The following CSTF3 variants were observed in gnomAD, a reference collection of about 807,000 sequenced individuals.
The protein encoded by CSTF3 is cleavage stimulation factor subunit 3.
CSTF3 carries 29 observed loss-of-function variants against 105.8 expected under a neutral mutation model. That is an observed-to-expected ratio of 0.27 (90% CI 0.20 to 0.37). The LOEUF (loss-of-function observed/expected upper bound fraction) is 0.37, where lower values mean the gene tolerates loss of function less well. Ranked by LOEUF, CSTF3 falls within the 10% of genes least tolerant of loss-of-function variation. The pLI, the probability that CSTF3 is intolerant of heterozygous loss-of-function variation, is 1.00. For missense variants in CSTF3, 357 were observed against 879.3 expected (o/e 0.41, Z 7.51); for synonymous variants, 252 against 281.9 (o/e 0.89, Z 1.06).
At chr11:33,106,554 C>T (rs1012400186) in intron 5 of CSTF3, among the ~76,000 whole-genome samples, 19 of 151,832 alleles carry the variant, frequency 1.3e-4, no homozygotes, top group African/African-American at 4.4e-4. Context: ...CACAGTGAGA[C>T]CTCGTCTCTA....
chr11:33,159,595 CAAAAAAAAAAAAAAA>C (rs71034656), intron 1 of CSTF3, among the ~76,000 whole-genome samples: 1 of 37,958 alleles, frequency 2.6e-5, no homozygotes, highest in African/African-American at 1.1e-4. Context: ...GGCTCCATCT[CAAAAAAAAAAAAAAA>C]AAAAAAAAAA....
At chr11:33,154,066 T>C (rs1849823910) in intron 1 of CSTF3, among the ~76,000 whole-genome samples, 1 of 152,202 alleles carries the variant, frequency 6.6e-6, no homozygotes, top group African/African-American at 2.4e-5. Flanking sequence ...CATCCACTTA[T>C]TTATCAAGAA....
At position 33,098,744 on chromosome 11, in the gene CSTF3, C is replaced by A. The variant is rs1284968775; in HGVS notation, c.1074G>T (p.Lys358Asn). The A allele has an allele frequency of 6.5e-7, 1 of 1,543,100 alleles. No homozygotes were observed. The highest frequency in any genetic ancestry group is 1.3e-5 in the South Asian group (1 of 78,278). Residue 358 changes from lysine (K) to asparagine (N), a missense_variant, in exon 13 of 21, where the codon AAG (lysine) becomes AAT (asparagine). Transcript: ENST00000323959. ...DYEESRMKYE[K>N]VHSIYNRLLA... The stretch of plus-strand genomic sequence containing the variant: ...GAAGTCTGTTATATATACTGTGAAC[C>A]TTTTCATACTTCATGCGACTCTAAG...
At chr11:33,139,793 A>G (rs1237072389) in intron 3 of CSTF3, among the ~76,000 whole-genome samples, 3 of 151,982 alleles carry the variant, frequency 2.0e-5, no homozygotes, top group African/African-American at 7.2e-5. Context: ...TACCAACTAA[A>G]TAAATCAGGC....
intron 3 of CSTF3, among the ~76,000 whole-genome samples, chr11:33,138,660 T>C (rs1855679092): frequency 6.6e-6 from 1 of 151,868 alleles, no homozygotes; most frequent in East Asian, 1.9e-4. Context: ...CATAGTGATA[T>C]TTAAACTTTA....
At chr11:33,130,120 G>A (rs1018996715) in intron 3 of CSTF3, among the ~76,000 whole-genome samples, 6 of 152,158 alleles carry the variant, frequency 3.9e-5, no homozygotes, top group African/African-American at 1.4e-4. Context: ...GCTAGATATT[G>A]TGCCCCTCTT....
At chr11:33,152,516 G>A (rs1217668262) in intron 1 of CSTF3, among the ~76,000 whole-genome samples, 1 of 152,132 alleles carries the variant, frequency 6.6e-6, no homozygotes, top group Non-Finnish European at 1.5e-5. Context: ...TATTCTGTGG[G>A]ATGCCTTGCC....
intron 3 of CSTF3, among the ~76,000 whole-genome samples, chr11:33,111,460 T>C (rs1365528944): frequency 2.6e-5 from 4 of 152,022 alleles, no homozygotes; most frequent in African/African-American, 7.2e-5. Context: ...ATTTATATAA[T>C]CTATCTTTAT....
At chr11:33,112,551 C>G (rs1855390291) in intron 3 of CSTF3, among the ~76,000 whole-genome samples, 1 of 151,988 alleles carries the variant, frequency 6.6e-6, no homozygotes, top group African/African-American at 2.4e-5. Context: ...ACCAAGTAGC[C>G]AGAAAGAGCA....
At chr11:33,116,607 G>A (rs1000034650) in intron 3 of CSTF3, among the ~76,000 whole-genome samples, 1 of 152,154 alleles carries the variant, frequency 6.6e-6, no homozygotes, top group Non-Finnish European at 1.5e-5. Flanking sequence ...TTATGGTGAA[G>A]GTCCATTACA....
rs1391533502 is a variant in CSTF3, at chr11:33,103,181, T to C, written c.589A>G (p.Ile197Val). ...ATTTTTTTAGCTAAATGAATATTGA[T>C]ACCCTAGAAAAAAACAAAAATATTT... ...WRDYNKYEEG[I>V]NIHLAKKMIE... Residue 197 changes from isoleucine to valine, a missense_variant, in exon 9 of 21, where the codon ATC becomes GTC. Around this residue, in one of 4 missense-constraint regions of CSTF3, gnomAD observed 206 missense variants for 576.5 expected, o/e 0.36. Transcript: ENST00000323959. The C allele has an allele frequency of 1.3e-6, 2 of 1,528,108 alleles. No homozygotes were observed. Among genetic ancestry groups the C allele is most frequent in the Non-Finnish European group, 1.8e-6 (2 of 1,126,566 alleles). 94.7% of individuals were successfully genotyped at this position (1,528,108 alleles called of 1,614,324 possible).
At chr11:33,153,220 ATT>A (rs1163962124) in intron 1 of CSTF3, among the ~76,000 whole-genome samples, 2 of 152,080 alleles carry the variant, frequency 1.3e-5, no homozygotes, top group African/African-American at 4.8e-5. Flanking sequence ...GTTACAATAT[ATT>A]GTTTTAGATG....
chr11:33,085,338 G>A lies in CSTF3; in HGVS notation c.1952-49C>T, dbSNP rs752622416. ...GTAAAAACATATTCCACTATGAAAG[G>A]GTATGTATGTTCAACTGTGGATACT... On this transcript the variant is annotated intron_variant, in intron 20 of 20. Coordinates refer to ENST00000323959, the MANE Select transcript of CSTF3 (RefSeq NM_001326.3). 6.9e-6 allele frequency: 10 copies of A among 1,440,822 alleles called. No homozygotes were observed. The Admixed American group carries it at 1.0e-4, about 14-fold the overall frequency. The allele number at this position is 1,440,822 out of a possible 1,614,324, so 89.3% of individuals were successfully genotyped here. A position where few individuals can be genotyped will look rare whatever the true frequency, so the allele number is the denominator to read the frequency against.
chr11:33,117,814 G>C (rs1034572870), intron 3 of CSTF3, among the ~76,000 whole-genome samples: 1 of 151,876 alleles, frequency 6.6e-6, no homozygotes, highest in African/African-American at 2.4e-5. Context: ...CACACCCACA[G>C]GAACTTTAAA....
intron 1 of CSTF3, among the ~76,000 whole-genome samples, chr11:33,144,482 T>C (rs1283874768): frequency 6.6e-6 from 1 of 152,072 alleles, no homozygotes; most frequent in East Asian, 1.9e-4. Flanking sequence ...CAGCAAATAA[T>C]AAAGGTGGCA....
At chr11:33,106,106 T>A in intron 5 of CSTF3, 42 bp from the exon 6 acceptor site, 2 of 1,483,086 alleles carry the variant, frequency 1.3e-6, no homozygotes, top group South Asian at 1.1e-5. Flanking sequence ...ATTTTTTTGT[T>A]ATTAAAATTT....
intron 10 of CSTF3, among the ~76,000 whole-genome samples, chr11:33,101,779 C>G (rs567614302): frequency 8.2e-4 from 124 of 151,772 alleles, no homozygotes; most frequent in Non-Finnish European, 1.5e-3. Context: ...GGTTGAAGGC[C>G]CAGATGTTGG....
At chr11:33,156,846 A>G (rs1849873010) in intron 1 of CSTF3, 1 of 352,606 alleles carries the variant, frequency 2.8e-6, no homozygotes, top group East Asian at 8.6e-5. Context: ...ATGCAAACTT[A>G]ATCCATTCAT....
At chr11:33,155,489 G>T (rs1314150056) in intron 1 of CSTF3, among the ~76,000 whole-genome samples, 1 of 151,534 alleles carries the variant, frequency 6.6e-6, no homozygotes, top group Non-Finnish European at 1.5e-5. Context: ...GAAACAAATA[G>T]CTACAAAATA....
Sources: allele counts gnomAD v4.1 joint callset (sites outside exome capture counted in the v4.1 genomes callset), GRCh38; gene constraint gnomAD v4.1.1; regional missense constraint gnomAD v4.1.1; transcripts MANE v1.5; gene names NCBI Gene and HGNC (gene_info 2026-07-23, HGNC 2026-07-21).